The following FSCN3 variants were observed in gnomAD, a reference collection of about 807,000 sequenced individuals.
FSCN3 encodes fascin-3.
In FSCN3, 43 loss-of-function variants were observed where a neutral mutation model predicts 53.5. That is an observed-to-expected ratio of 0.80 (90% CI 0.63 to 1.04). The LOEUF is 1.04. Among genes scored for constraint, FSCN3 ranks in the 50% least tolerant of loss-of-function variants. The pLI is 0.00. For missense variants in FSCN3, 594 were observed against 646.5 expected (o/e 0.92, Z 0.88); for synonymous variants, 235 against 246.6 (o/e 0.95, Z 0.44).
chr7:127,600,234 C>A lies in FSCN3; in HGVS notation c.1332C>A (p.Thr444=). 6.2e-7 allele frequency: 1 copy of A among 1,610,940 alleles called. No individual in the cohort carries two copies. Among genetic ancestry groups the A allele is most frequent in the Admixed American group, 1.7e-5 (1 of 60,034 alleles). ...TCTGGTCAATAACATCCTTTGGCAC[C>A]TTTCGCCCTTGGGGCAAGTTTGCCC... The part of the protein sequence containing the change: ...GSFWSITSFG[T]FRPWGKFALN... Residue 444 remains threonine, a synonymous_variant, in exon 6 of 7, where the codon ACC becomes ACA. Transcript: ENST00000265825.
At chr7:127,599,356 G>A in intron 4 of FSCN3, 25 bp from the exon 5 acceptor site, 1 of 1,603,216 alleles carries the variant, frequency 6.2e-7, no homozygotes, top group Non-Finnish European at 8.5e-7. Context: ...AGCCCATCCA[G>A]ATAACTCCTT....
intron 6 of FSCN3, among the ~76,000 whole-genome samples, chr7:127,601,305 C>T (rs1794471600): frequency 6.6e-6 from 1 of 152,190 alleles, no homozygotes; most frequent in African/African-American, 2.4e-5. Flanking sequence ...GTGGCGCTTC[C>T]CTTCCATCAT....
Position 127,599,289 on chromosome 7 carries a change from A to G in FSCN3, c.1121-92A>G, listed in dbSNP as rs183307065. On this transcript the variant is annotated intron_variant, in intron 4 of 6. Transcript: ENST00000265825. ...CATTCACTGTTAAAATATTGACCAC[A>G]CCCTTCTGCAATTAGCGTCCCCCCT... The G allele has an allele frequency of 4.5e-6, 4 of 896,916 alleles. No individual in the cohort carries two copies. In the East Asian group the frequency reaches 7.3e-5, roughly 16 times the overall value. 55.6% of individuals were successfully genotyped at this position (896,916 alleles called of 1,614,324 possible). A position where few individuals can be genotyped will look rare whatever the true frequency, so the allele number is the denominator to read the frequency against.
In FSCN3 at chr7:127,598,603, AG is replaced by A; in HGVS notation, c.1120+10del. The A allele has an allele frequency of 6.3e-7, 1 of 1,591,518 alleles. No individual in the cohort carries two copies. Among genetic ancestry groups the A allele is most frequent in the Non-Finnish European group, 8.6e-7 (1 of 1,165,604 alleles). ...CAATGTCATCCTTCCAGGTGAGTGG[AG>A]CAGCCTTCCTGCCAGATGATTCCAA... On this transcript the variant is annotated intron_variant, in intron 4 of 6. Transcript: ENST00000265825.
At position 127,596,193 on chromosome 7, in the gene FSCN3, T is replaced by A. The variant is rs111337089; in HGVS notation, c.842-135T>A. 8.1e-4 allele frequency: 1,216 copies of A among 1,501,364 alleles called. 10 individuals carry two copies. In the African/African-American group the frequency reaches 0.016, roughly 19 times the overall value. 93.0% of individuals were successfully genotyped at this position (1,501,364 alleles called of 1,614,324 possible). A position where few individuals can be genotyped will look rare whatever the true frequency, so the allele number is the denominator to read the frequency against. On this transcript the variant is annotated intron_variant, in intron 2 of 6. Transcript: ENST00000265825. ...GGGATTTAGGGGAAAGTTGCCTAGG[T>A]CTTCTCCAGACCTACCATGGTCCAA...
In FSCN3 at chr7:127,596,449, G is replaced by T. The variant is rs562625706; in HGVS notation, c.960+3G>T. 5.0e-6 allele frequency: 7 copies of T among 1,401,240 alleles called. No individual in the cohort carries two copies. The highest frequency in any genetic ancestry group is 5.1e-6 in the Non-Finnish European group (5 of 986,778). The allele number at this position is 1,401,240 out of a possible 1,614,324, so 86.8% of individuals were successfully genotyped here. A position where few individuals can be genotyped will look rare whatever the true frequency, so the allele number is the denominator to read the frequency against. ...CCAATGGCTACTACCTATCCCAGGT[G>T]AGACCTTGGCTTCCTGAGCAAGAGA... On this transcript the variant is annotated splice_donor_region_variant and intron_variant, in intron 3 of 6. Coordinates refer to ENST00000265825, the MANE Select transcript of FSCN3 (RefSeq NM_020369.3).
Position 127,595,309 on chromosome 7 carries a change from C to T in FSCN3, c.147C>T (p.Thr49=), listed in dbSNP as rs1159539940. 1.4e-5 allele frequency: 22 copies of T among 1,607,806 alleles called. No individual in the cohort carries two copies. Among genetic ancestry groups the T allele is most frequent in the Non-Finnish European group, 1.9e-5 (22 of 1,176,202 alleles). The stretch of plus-strand genomic sequence containing the variant: ...CTTCTCCCTCCTGATGCCTCCAGAC[C>T]TGGGAGATCTTGGTGAGCAATGAGC... ...ATAKSLGRRQ[T]WEILVSNEHE... Residue 49 remains threonine (T), a splice_region_variant and synonymous_variant, in exon 2 of 7, where the codon ACC becomes ACT. Transcript: ENST00000265825.
rs1299467576 is a variant in FSCN3 at position 127,602,076 on chromosome 7, T to C, written c.*454T>C. The stretch of plus-strand genomic sequence containing the variant: ...TAATCTCGTGAGCACAGGATAATGG[T>C]AATAACACCTTATGCCTGTATAGGC... On this transcript the variant is annotated 3_prime_UTR_variant, in exon 7 of 7. Coordinates refer to ENST00000265825, the MANE Select transcript of FSCN3 (RefSeq NM_020369.3). 1.3e-5 allele frequency: 2 copies of C among 152,168 alleles called. No individual in the cohort carries two copies. Among genetic ancestry groups the C allele is most frequent in the East Asian group, 3.8e-4 (2 of 5,198 alleles). 9.4% of individuals were successfully genotyped at this position (152,168 alleles called of 1,614,324 possible).
intron 1 of FSCN3, chr7:127,594,429 G>A (rs1185118219): frequency 1.1e-5 from 5 of 468,466 alleles, no homozygotes; most frequent in Non-Finnish European, 2.2e-5. Context: ...TATTCCGCAA[G>A]GTGAAGCCTC....
rs768282359 is a variant in FSCN3, at chr7:127,598,444, A to T, written c.970A>T (p.Arg324Trp). Residue 324 changes from arginine to tryptophan, a missense_variant, in exon 4 of 7, where the codon AGG becomes TGG. Coordinates refer to ENST00000265825, the MANE Select transcript of FSCN3 (RefSeq NM_020369.3). ...NGYYLSQRRH[R>W]AVMADGHPLE... ...CTGACATTCTTTCCAGAGGCGCCAC[A>T]GGGCAGTAATGGCTGATGGGCACCC... The T allele has an allele frequency of 3.1e-6, 5 of 1,613,678 alleles. No individual in the cohort carries two copies. Among genetic ancestry groups the T allele is most frequent in the Admixed American group, 3.3e-5 (2 of 59,966 alleles).
chr7:127,594,088 A>C (rs13308237), intron 1 of FSCN3, 91 bp downstream of exon 1: 4 of 935,860 alleles, frequency 4.3e-6, no homozygotes, highest in Admixed American at 3.3e-5. Flanking sequence ...GCGTGAGTGT[A>C]TGTGTGTGTG....
chr7:127,601,064 C>T lies in FSCN3; in HGVS notation c.*1-559C>T, dbSNP rs938446262. Among the ~76,000 whole-genome samples the T allele has an allele frequency of 3.7e-4, 57 of 152,200 alleles. 1 individual carries two copies. Among genetic ancestry groups the T allele is most frequent in the Admixed American group, 1.3e-4 (2 of 15,284 alleles). On this transcript the variant is annotated intron_variant, in intron 6 of 6. Coordinates refer to ENST00000265825, the MANE Select transcript of FSCN3 (RefSeq NM_020369.3). ...GGCTCAAGAGCTCAGCATGATCTCT[C>T]CACCCTTTCTTTCACTTCCTTCATC...
In FSCN3 at chr7:127,595,471, C is replaced by T; in HGVS notation, c.309C>T (p.Ser103=). 2 of 1,614,204 alleles carry T rather than the reference C, an allele frequency of 1.2e-6. No homozygotes were observed. Residue 103 remains serine (S), a synonymous_variant, in exon 2 of 7, where the codon AGC becomes AGT. Transcript: ENST00000265825. ...GCFLLRFHRN[S]KWTLQCLISG... ...TTCTACTGCGTTTCCACCGGAACAG[C>T]AAGTGGACCCTCCAGTGCCTAATCT...
chr7:127,594,384 A>G, intron 1 of FSCN3: 1 of 450,508 alleles, frequency 2.2e-6, no homozygotes. Context: ...GCTTTTGTTC[A>G]CAGACCCTAT....
chr7:127,595,451 C>T lies in FSCN3; in HGVS notation c.289C>T (p.Leu97=). The T allele has an allele frequency of 6.2e-7, 1 of 1,614,168 alleles. No homozygotes were observed. ...PRTSHHGCFL[L]RFHRNSKWTL... ...GACCAGCCACCATGGGTGCTTTCTA[C>T]TGCGTTTCCACCGGAACAGCAAGTG... The change falls in exon 2 of 7, where the codon CTG becomes TTG. Residue 97 remains leucine, a synonymous_variant. Coordinates refer to ENST00000265825, the MANE Select transcript of FSCN3 (RefSeq NM_020369.3).
At chr7:127,597,091 C>A (rs913224027) in intron 3 of FSCN3, among the ~76,000 whole-genome samples, 18 of 152,342 alleles carry the variant, frequency 1.2e-4, no homozygotes, top group Admixed American at 3.3e-4. Context: ...TATAATGCTG[C>A]TCATAAACAT....
At chr7:127,599,840 G>A (rs1490394982) in intron 5 of FSCN3, among the ~76,000 whole-genome samples, 2 of 151,598 alleles carry the variant, frequency 1.3e-5, no homozygotes, top group African/African-American at 4.9e-5. Flanking sequence ...AGCTACTTGG[G>A]AGGCTGAGGC....
intron 6 of FSCN3, among the ~76,000 whole-genome samples, chr7:127,600,742 G>T (rs1794461655): frequency 1.3e-5 from 2 of 152,074 alleles, no homozygotes; most frequent in Non-Finnish European, 2.9e-5. Context: ...GAAAACGGAT[G>T]ACTTTGATCA....
In FSCN3 at chr7:127,595,426, G is replaced by A. The variant is rs1263806177; in HGVS notation, c.264G>A (p.Arg88=). The change falls in exon 2 of 7, where the codon AGG becomes AGA. Residue 88 remains arginine (R), a synonymous_variant. Transcript: ENST00000265825. ...GCACCGTGTGTTATGGCCGCCCAAG[G>A]ACCAGCCACCATGGGTGCTTTCTAC... ...CDGTVCYGRP[R]TSHHGCFLLR... The A allele has an allele frequency of 3.1e-6, 5 of 1,614,168 alleles. No homozygotes were observed. In the South Asian group the frequency reaches 5.5e-5, roughly 18 times the overall value.
Sources: gnomAD v4.1 joint callset for allele counts (sites outside exome capture counted in the v4.1 genomes callset) on GRCh38, gnomAD v4.1.1 for gene constraint, MANE v1.5 for transcripts, NCBI Gene and HGNC (gene_info 2026-07-23, HGNC 2026-07-21) for gene names.